The following VDAC1 variants were observed in gnomAD, a reference collection of about 807,000 sequenced individuals.
The protein encoded by VDAC1 is non-selective voltage-gated ion channel VDAC1.
VDAC1 carries 10 observed loss-of-function variants against 34.7 expected under a neutral mutation model. That is an observed-to-expected ratio of 0.29 (90% CI 0.18 to 0.49). VDAC1 has a LOEUF of 0.49. Ranked by LOEUF, VDAC1 falls within the 20% of genes least tolerant of loss-of-function variation. The pLI, the probability that VDAC1 is intolerant of heterozygous loss-of-function variation, is 0.99. For missense variants in VDAC1, 230 were observed against 347.9 expected (o/e 0.66, Z 2.69); for synonymous variants, 130 against 136.0 (o/e 0.96, Z 0.30).
the VDAC1 span, among the ~76,000 whole-genome samples, chr5:134,021,716 C>G: frequency 2.6e-5 from 4 of 152,252 alleles, no homozygotes; most frequent in African/African-American, 9.6e-5. Context: ...ATGTGGTGCA[C>G]ATGAGAATCA....
the VDAC1 span, among the ~76,000 whole-genome samples, chr5:134,018,775 C>G: frequency 2.0e-5 from 3 of 152,152 alleles, no homozygotes; most frequent in Non-Finnish European, 4.4e-5. Flanking sequence ...AGGGTGAGGA[C>G]TTTGAGTCAA....
the VDAC1 span, among the ~76,000 whole-genome samples, chr5:134,099,469 G>A: frequency 1.3e-5 from 2 of 152,206 alleles, no homozygotes; most frequent in Admixed American, 6.5e-5. Context: ...CCAGCCTGGC[G>A]CAGTCCGGCA....
At chr5:134,078,604 TAGTA>T in the VDAC1 span, among the ~76,000 whole-genome samples, 3 of 151,238 alleles carry the variant, frequency 2.0e-5, no homozygotes, top group African/African-American at 7.3e-5. Context: ...GTGTGCAAGA[TAGTA>T]AGTAAGAAGG....
At chr5:133,974,667 G>A (rs1752408812) in intron 7 of VDAC1, among the ~76,000 whole-genome samples, 1 of 152,208 alleles carries the variant, frequency 6.6e-6, no homozygotes, top group Non-Finnish European at 1.5e-5. Flanking sequence ...AAACAGAGAT[G>A]ATTGGCCAGG....
the VDAC1 span, among the ~76,000 whole-genome samples, chr5:134,085,574 T>C: frequency 1.1e-3 from 169 of 151,472 alleles, no homozygotes; most frequent in Admixed American, 5.9e-3. Flanking sequence ...GGGGTTTGCA[T>C]GGGCTGCCAT....
At chr5:134,029,688 T>C in the VDAC1 span, among the ~76,000 whole-genome samples, 1 of 152,220 alleles carries the variant, frequency 6.6e-6, no homozygotes, top group Non-Finnish European at 1.5e-5. Context: ...GGATTCCATT[T>C]ATGTAACATT....
Position 133,972,495 on chromosome 5 carries a change from C to A in VDAC1, c.*276G>T. 4.3e-6 allele frequency: 2 copies of A among 466,248 alleles called. No individual in the cohort carries two copies. The highest frequency in any genetic ancestry group is 5.2e-5 in the South Asian group (1 of 19,186). The allele number at this position is 466,248 out of a possible 1,614,324, so 28.9% of individuals were successfully genotyped here. ...AAAGTGCCTACATATTATCCGCTTC[C>A]ACTTGCAGCCATTTCTAGATAAAAA... is the stretch of plus-strand genomic sequence containing the variant. On this transcript the variant is annotated 3_prime_UTR_variant, in exon 9 of 9. Coordinates refer to ENST00000265333, the MANE Select transcript of VDAC1 (RefSeq NM_003374.3).
chr5:134,046,439 G>A, the VDAC1 span, among the ~76,000 whole-genome samples: 2 of 152,278 alleles, frequency 1.3e-5, no homozygotes, highest in Non-Finnish European at 1.5e-5. Context: ...CCAAAGTGCT[G>A]GGTTTACAGG....
the VDAC1 span, among the ~76,000 whole-genome samples, chr5:134,094,411 T>G: frequency 6.6e-6 from 1 of 152,112 alleles, no homozygotes; most frequent in East Asian, 1.9e-4. Context: ...TGAAAAGACA[T>G]GAAATGGCCG....
intron 5 of VDAC1, chr5:133,988,790 A>G (rs1752997451): frequency 6.6e-6 from 1 of 152,096 alleles, no homozygotes; most frequent in African/African-American, 2.4e-5. Context: ...AAAAAAACCA[A>G]AAAACTTTCC....
At chr5:134,008,526 T>C (rs1363171387), upstream of VDAC1, among the ~76,000 whole-genome samples, 1 of 152,214 alleles carries the variant, frequency 6.6e-6, no homozygotes, top group African/African-American at 2.4e-5. Context: ...TATCTCTAAC[T>C]TACAGCCTTA....
chr5:134,039,225 A>G, the VDAC1 span, among the ~76,000 whole-genome samples: 1 of 152,198 alleles, frequency 6.6e-6, no homozygotes, highest in African/African-American at 2.4e-5. Flanking sequence ...CTGGCTTCAC[A>G]TTGATGTCAT....
the VDAC1 span, among the ~76,000 whole-genome samples, chr5:134,024,430 G>A: frequency 1.3e-5 from 2 of 150,826 alleles, no homozygotes; most frequent in South Asian, 2.1e-4. Context: ...TTGGGAGGCC[G>A]AAGCAGGAGA....
At chr5:134,099,103 A>G in the VDAC1 span, among the ~76,000 whole-genome samples, 4 of 152,348 alleles carry the variant, frequency 2.6e-5, no homozygotes, top group Admixed American at 6.5e-5. Context: ...GAAGGCGGGC[A>G]GAGAGGTGGA....
At chr5:133,990,382 C>T (rs1681661917) in intron 5 of VDAC1, among the ~76,000 whole-genome samples, 1 of 152,230 alleles carries the variant, frequency 6.6e-6, no homozygotes, top group Non-Finnish European at 1.5e-5. Context: ...TAGCCACTTA[C>T]ATCACCAGCA....
the VDAC1 span, among the ~76,000 whole-genome samples, chr5:134,058,435 TC>T: frequency 6.6e-6 from 1 of 151,848 alleles, no homozygotes; most frequent in African/African-American, 2.4e-5. Context: ...TGCCTCAGCC[TC>T]CCAAGTAGCT....
the VDAC1 span, among the ~76,000 whole-genome samples, chr5:134,013,180 G>A: frequency 5.9e-5 from 9 of 152,132 alleles, no homozygotes; most frequent in South Asian, 8.3e-4. Flanking sequence ...GGCATCAACC[G>A]CGGCAAAGAA....
At chr5:134,055,597 T>TTTTTTTGTTTTTGTTTTTG in the VDAC1 span, among the ~76,000 whole-genome samples, 7 of 48,112 alleles carry the variant, frequency 1.5e-4, no homozygotes, top group African/African-American at 4.0e-4. Context: ...TGTTTTTTTT[T>TTTTTTTGTTTTTGTTTTTG]TTTTTTTTTT....
chr5:134,024,260 C>A, the VDAC1 span, among the ~76,000 whole-genome samples: 2 of 151,840 alleles, frequency 1.3e-5, no homozygotes, highest in Non-Finnish European at 2.9e-5. Context: ...CGGGTGCGGT[C>A]ACTCACACCT....
Sources: allele counts gnomAD v4.1 joint callset (sites outside exome capture counted in the v4.1 genomes callset), GRCh38; gene constraint gnomAD v4.1.1; transcripts MANE v1.5; gene names NCBI Gene and HGNC (gene_info 2026-07-23, HGNC 2026-07-21).